RBFOX1: variants seen among roughly 807,000 people sequenced by gnomAD.
The protein encoded by RBFOX1 is RNA binding fox-1 homolog 1.
A neutral mutation model predicts 57.7 loss-of-function variants in RBFOX1; 8 were observed. The ratio of observed to expected loss-of-function variants is 0.14; its 90% CI spans 0.08 to 0.25. RBFOX1 has a LOEUF of 0.25. Ranked by LOEUF, RBFOX1 falls within the 10% of genes least tolerant of loss-of-function variation. The pLI, the probability that RBFOX1 is intolerant of heterozygous loss-of-function variation, is 1.00. For synonymous variants in RBFOX1, 326 were observed against 222.4 expected, an observed-to-expected ratio of 1.47 and a Z score of -4.15; for missense variants, 611 against 548.5, an observed-to-expected ratio of 1.11 and a Z score of -1.14.
intron 4 of RBFOX1, among the ~76,000 whole-genome samples, chr16:7,232,678 C>A (rs983022255): frequency 6.6e-6 from 1 of 151,914 alleles, no homozygotes; most frequent in Non-Finnish European, 1.5e-5. Flanking sequence ...CCTGTCTCTA[C>A]TAAAAATGCA....
intron 3 of RBFOX1, among the ~76,000 whole-genome samples, chr16:5,819,360 G>A (rs2151799858): frequency 6.6e-6 from 1 of 152,236 alleles, no homozygotes; most frequent in South Asian, 2.1e-4. Context: ...ACCTCTTTTA[G>A]GGGACACAAT....
rs10492760 is a variant in RBFOX1 at position 7,667,326 on chromosome 16, A to C, written c.930+2358A>C. On this transcript the variant is annotated intron_variant, in intron 13 of 15. Coordinates refer to ENST00000550418, the MANE Select transcript of RBFOX1 (RefSeq NM_018723.4). ...GCAGAACAAGAGGTCTTTGATGACCATAAGTTTAAGAAATATAAATATGTT... is the reference window on the plus strand; with the variant it reads ...GCAGAACAAGAGGTCTTTGATGACCCTAAGTTTAAGAAATATAAATATGTT... 7.9e-5 allele frequency among the ~76,000 whole-genome samples: 12 copies of C among 152,288 alleles called. No homozygotes were observed. The South Asian group carries it at 2.3e-3, about 29-fold the overall frequency.
intron 14 of RBFOX1, among the ~76,000 whole-genome samples, chr16:7,688,137 G>C (rs955204795): frequency 6.6e-6 from 1 of 151,840 alleles, no homozygotes; most frequent in Non-Finnish European, 1.5e-5. Flanking sequence ...GCTATCCTGG[G>C]GCATCTTGGC....
At chr16:5,835,966 G>C (rs921152140) in intron 3 of RBFOX1, among the ~76,000 whole-genome samples, 1 of 152,332 alleles carries the variant, frequency 6.6e-6, no homozygotes, top group Admixed American at 6.5e-5. Context: ...GGAAGAGGAA[G>C]AAGAGAGCTC....
intron 4 of RBFOX1, among the ~76,000 whole-genome samples, chr16:7,484,593 G>A (rs7192419): frequency 0.11 from 17,456 of 152,008 alleles, 3,343 homozygotes; most frequent in African/African-American, 0.4. Flanking sequence ...CTCTTGAGTA[G>A]CTGCGACTAC....
intron 1 of RBFOX1, among the ~76,000 whole-genome samples, chr16:6,086,134 C>A (rs547102366): frequency 1.1e-3 from 161 of 152,236 alleles, no homozygotes; most frequent in African/African-American, 3.8e-3. Context: ...TCATCCATGT[C>A]CTTGCAAAGG....
At chr16:7,636,284 G>A (rs1045005570) in intron 11 of RBFOX1, among the ~76,000 whole-genome samples, 2 of 152,204 alleles carry the variant, frequency 1.3e-5, no homozygotes, top group African/African-American at 4.8e-5. Context: ...AAATTGCATA[G>A]TGAAAAATAA....
chr16:6,620,182 C>T (rs1231270005), intron 2 of RBFOX1, among the ~76,000 whole-genome samples: 2 of 152,162 alleles, frequency 1.3e-5, no homozygotes, highest in South Asian at 2.1e-4. Flanking sequence ...AATTCAAAAT[C>T]AGTCAGAATT....
rs528534023 is a variant in RBFOX1 at position 6,719,948 on chromosome 16, G to C, written c.-16+65298G>C. On this transcript the variant is annotated intron_variant, in intron 3 of 15. Transcript: ENST00000550418. ...TCTCTACTAAAAATACAAGAAATTA[G>C]CCGGGGGTGATGGCAGGCGTCTATA... 1.7e-3 allele frequency among the ~76,000 whole-genome samples: 252 copies of C among 151,954 alleles called. 2 individuals carry two copies. The highest frequency in any genetic ancestry group is 2.9e-3 in the Non-Finnish European group (196 of 67,998).
chr16:7,469,506 A>C (rs1174335021), intron 4 of RBFOX1, among the ~76,000 whole-genome samples: 2 of 152,048 alleles, frequency 1.3e-5, no homozygotes, highest in African/African-American at 4.8e-5. Context: ...TTCATATCTC[A>C]GCTTGCATGT....
At chr16:5,559,748 C>G (rs1347780600) in intron 2 of RBFOX1, among the ~76,000 whole-genome samples, 1 of 152,326 alleles carries the variant, frequency 6.6e-6, no homozygotes. Flanking sequence ...GTTAAAAAGT[C>G]TTCAGTGATA....
intron 2 of RBFOX1, chr16:5,598,880 CTATT>C (rs1358234132): frequency 1.3e-5 from 20 of 1,482,820 alleles, no homozygotes; most frequent in Non-Finnish European, 1.5e-5. Context: ...ACCTTTTTCT[CTATT>C]TGTTTGTTTT....
chr16:7,663,995 G>A (rs1254194660), intron 12 of RBFOX1, among the ~76,000 whole-genome samples: 3 of 152,118 alleles, frequency 2.0e-5, no homozygotes, highest in African/African-American at 7.2e-5. Context: ...TTCTTTCTGG[G>A]ATGGTCACTA....
chr16:7,108,655 T>G (rs1433810768), intron 4 of RBFOX1, among the ~76,000 whole-genome samples: 2 of 151,846 alleles, frequency 1.3e-5, no homozygotes, highest in Non-Finnish European at 1.5e-5. Flanking sequence ...AGCATAGGAG[T>G]TTAAAGCAAT....
intron 2 of RBFOX1, among the ~76,000 whole-genome samples, chr16:6,405,275 G>A (rs1388706475): frequency 2.0e-5 from 3 of 152,126 alleles, no homozygotes; most frequent in South Asian, 2.1e-4. Context: ...AAATCCTCTG[G>A]AGAATTTGAT....
intron 2 of RBFOX1, among the ~76,000 whole-genome samples, chr16:5,526,825 G>A (rs1278659010): frequency 4.0e-5 from 6 of 151,888 alleles, no homozygotes; most frequent in East Asian, 3.9e-4. Flanking sequence ...GCGTGTTATT[G>A]TTCATAGGAG....
intron 3 of RBFOX1, among the ~76,000 whole-genome samples, chr16:6,927,856 C>T (rs558023778): frequency 1.2e-4 from 18 of 152,330 alleles, no homozygotes; most frequent in African/African-American, 4.1e-4. Flanking sequence ...TCTCACAACA[C>T]ATCATTTCAA....
intron 2 of RBFOX1, among the ~76,000 whole-genome samples, chr16:6,580,126 C>G (rs1443080091): frequency 4.0e-5 from 6 of 151,812 alleles, no homozygotes; most frequent in Non-Finnish European, 8.8e-5. Flanking sequence ...ACCTAGCTAA[C>G]TTTTGTGTTT....
intron 3 of RBFOX1, among the ~76,000 whole-genome samples, chr16:6,876,131 C>T (rs559384318): frequency 4.0e-5 from 6 of 151,784 alleles, no homozygotes; most frequent in African/African-American, 1.5e-4. Flanking sequence ...TGCAGTGAGC[C>T]ATGATTGCAC....
Sources: allele counts gnomAD v4.1 joint callset (sites outside exome capture counted in the v4.1 genomes callset), GRCh38; gene constraint gnomAD v4.1.1; transcripts MANE v1.5; gene names NCBI Gene and HGNC (gene_info 2026-07-23, HGNC 2026-07-21).